The following SYT10 variants were observed in gnomAD, a reference collection of about 807,000 sequenced individuals.
SYT10 encodes the protein synaptotagmin 10.
SYT10 carries 31 observed loss-of-function variants against 51.1 expected under a neutral mutation model. The observed-to-expected ratio is 0.61, with a 90% CI of 0.46 to 0.82. SYT10 has a LOEUF of 0.82. Ranked by LOEUF, SYT10 falls within the 40% of genes least tolerant of loss-of-function variation. The pLI, the probability that SYT10 is intolerant of heterozygous loss-of-function variation, is 0.00. For synonymous variants in SYT10, 233 were observed against 225.9 expected, an observed-to-expected ratio of 1.03 and a Z score of -0.28; for missense variants, 603 against 634.0, an observed-to-expected ratio of 0.95 and a Z score of 0.53.
At chr12:33,437,352 T>G (rs1303675280) in intron 1 of SYT10, among the ~76,000 whole-genome samples, 1 of 152,252 alleles carries the variant, frequency 6.6e-6, no homozygotes, top group African/African-American at 2.4e-5. Context: ...TTTTCTCACT[T>G]TTTATTCCCA....
chr12:33,411,940 A>G (rs1395773342), intron 2 of SYT10, among the ~76,000 whole-genome samples: 1 of 152,158 alleles, frequency 6.6e-6, no homozygotes, highest in East Asian at 1.9e-4. Flanking sequence ...AAATGTTAAA[A>G]GGGTCTAGTA....
intron 3 of SYT10, among the ~76,000 whole-genome samples, chr12:33,392,421 C>A (rs182974811): frequency 0.015 from 2,220 of 152,112 alleles, 43 homozygotes; most frequent in African/African-American, 0.05. Context: ...TTCAAAGAAG[C>A]ACAATTTTTG....
Position 33,385,237 on chromosome 12 carries a change from CA to C in SYT10, c.1131del (p.Arg379ValfsTer2). 6.2e-7 allele frequency: 1 copy of C among 1,613,784 alleles called. No individual in the cohort carries two copies. The highest frequency in any genetic ancestry group is 8.5e-7 in the Non-Finnish European group (1 of 1,179,810). ...IMFSLCYLPT[A>X]GRMTLTVIKC... ...TTAATGACTGTCAATGTCATACGCC[CA>C]GCCGTCGGTAGGTAACAAAGGGAAA... On this transcript the variant is annotated frameshift_variant, in exon 4 of 7. Transcript: ENST00000228567. LOFTEE classifies it high-confidence loss of function.
intron 3 of SYT10, among the ~76,000 whole-genome samples, chr12:33,386,133 G>T (rs1270662058): frequency 6.6e-6 from 1 of 152,050 alleles, no homozygotes; most frequent in East Asian, 1.9e-4. Flanking sequence ...CAATTCTCCT[G>T]TCTCAGCCAC....
chr12:33,429,474 G>C (rs1277933084), intron 1 of SYT10, among the ~76,000 whole-genome samples: 2 of 152,166 alleles, frequency 1.3e-5, no homozygotes, highest in Non-Finnish European at 2.9e-5. Flanking sequence ...TTCAAAATTG[G>C]AGACCAATAA....
At chr12:33,395,317 A>T (rs989217374) in intron 3 of SYT10, among the ~76,000 whole-genome samples, 2 of 152,234 alleles carry the variant, frequency 1.3e-5, no homozygotes, top group African/African-American at 4.8e-5. Flanking sequence ...GAACATTTGC[A>T]TTTAAAAAGC....
At chr12:33,409,518 CTTT>C (rs60672554) in intron 2 of SYT10, among the ~76,000 whole-genome samples, 1 of 140,282 alleles carries the variant, frequency 7.1e-6, no homozygotes. Context: ...GATTTCTTTT[CTTT>C]TTTTTTTTTT....
intron 3 of SYT10, among the ~76,000 whole-genome samples, chr12:33,386,498 T>C (rs1271925073): frequency 2.0e-5 from 3 of 152,006 alleles, no homozygotes; most frequent in Non-Finnish European, 2.9e-5. Context: ...TGTTTTTTTT[T>C]CCCTTTGACT....
intron 2 of SYT10, among the ~76,000 whole-genome samples, chr12:33,424,853 A>G (rs893694440): frequency 1.3e-5 from 2 of 152,062 alleles, no homozygotes; most frequent in African/African-American, 4.8e-5. Context: ...GTCATTGCTC[A>G]GGAAAACTTG....
In SYT10 at chr12:33,379,865, T is replaced by G; in HGVS notation, c.1467A>C (p.Arg489=). The change falls in exon 6 of 7, where the codon CGA becomes CGC. Residue 489 remains arginine (R), a synonymous_variant. Coordinates refer to ENST00000228567, the MANE Select transcript of SYT10 (RefSeq NM_198992.4). The part of the protein sequence containing the change: ...DHWNEMLAYH[R]KPITHWHPLL... ...ATGGGTGCCAGTGCGTTATTGGTTT[T>G]CGATGATAGGCCAGCATTTCATTCC... The G allele has an allele frequency of 6.2e-7, 1 of 1,613,968 alleles. No individual in the cohort carries two copies. The highest frequency in any genetic ancestry group is 8.5e-7 in the Non-Finnish European group (1 of 1,179,912).
intron 2 of SYT10, among the ~76,000 whole-genome samples, chr12:33,419,786 TC>T (rs1322562935): frequency 4.6e-5 from 7 of 152,200 alleles, no homozygotes; most frequent in Admixed American, 3.9e-4. Flanking sequence ...AAATACTTCT[TC>T]ATAGCTTCTG....
Position 33,439,368 on chromosome 12 carries a change from TTACCTG to T in SYT10, c.149_151+3del. 1 of 1,611,738 alleles carries T rather than the reference TTACCTG, an allele frequency of 6.2e-7. No individual in the cohort carries two copies. Among genetic ancestry groups the T allele is most frequent in the South Asian group, 1.1e-5 (1 of 90,852 alleles). On this transcript the variant is annotated splice_donor_variant and splice_donor_region_variant and coding_sequence_variant and intron_variant, in exon 1 of 7. Coordinates refer to ENST00000228567, the MANE Select transcript of SYT10 (RefSeq NM_198992.4). LOFTEE classifies it high-confidence loss of function. ...GAGGACGCGAGCGGAGCCCTCCCGGTTACCTGTGCTGCTTCCGCCCTGGCTGCCCCT... is the reference window on the plus strand; with the variant it reads ...GAGGACGCGAGCGGAGCCCTCCCGGTTGCTGCTTCCGCCCTGGCTGCCCCT...
intron 6 of SYT10, 68 bp from the exon 7 acceptor site, chr12:33,376,969 C>T (rs1866068554): frequency 6.7e-7 from 1 of 1,489,610 alleles, no homozygotes; most frequent in Admixed American, 1.7e-5. Flanking sequence ...AGTTGTTGCT[C>T]CCTTTAAATA....
At chr12:33,432,071 C>A (rs1866601192) in intron 1 of SYT10, among the ~76,000 whole-genome samples, 1 of 152,056 alleles carries the variant, frequency 6.6e-6, no homozygotes, top group Admixed American at 6.6e-5. Context: ...ATTACTTTAA[C>A]CTATTTCTTT....
chr12:33,387,395 A>T, intron 3 of SYT10, among the ~76,000 whole-genome samples: 1 of 152,310 alleles, frequency 6.6e-6, no homozygotes, highest in Non-Finnish European at 1.5e-5. Flanking sequence ...ATTAAAGGAG[A>T]TAATGTAAAT....
At chr12:33,426,018 G>C in intron 2 of SYT10, 120 bp downstream of exon 2, 1 of 1,006,476 alleles carries the variant, frequency 9.9e-7, no homozygotes, top group Non-Finnish European at 1.4e-6. Context: ...CATTTCTCCT[G>C]TTTCTCTTTT....
At chr12:33,425,925 C>T (rs1223274716) in intron 2 of SYT10, among the ~76,000 whole-genome samples, 1 of 151,946 alleles carries the variant, frequency 6.6e-6, no homozygotes, top group African/African-American at 2.4e-5. Context: ...GCTTCTTTGT[C>T]CTTAGTTTCT....
chr12:33,393,371 T>C (rs10844574), intron 3 of SYT10, among the ~76,000 whole-genome samples: 13,473 of 152,258 alleles, frequency 0.088, 1,353 homozygotes, highest in East Asian at 0.55. Flanking sequence ...TCCATCATCA[T>C]TTACAGATAG....
chr12:33,377,017 A>G, intron 6 of SYT10, 116 bp from the exon 7 acceptor site: 1 of 1,066,758 alleles, frequency 9.4e-7, no homozygotes, highest in Admixed American at 2.0e-5. Context: ...CTCTGAAGAA[A>G]GGAAATACAT....
Sources: gnomAD v4.1 joint callset for allele counts (sites outside exome capture counted in the v4.1 genomes callset) on GRCh38, gnomAD v4.1.1 for gene constraint, MANE v1.5 for transcripts, NCBI Gene and HGNC (gene_info 2026-07-23, HGNC 2026-07-21) for gene names.